PPFIA4: variants seen among roughly 807,000 people sequenced by gnomAD.
PPFIA4 encodes the protein PPFI scaffold protein A4.
Under a neutral mutation model 145.7 loss-of-function variants are expected in PPFIA4, and 98 were observed. The ratio of observed to expected loss-of-function variants is 0.67; its 90% CI spans 0.57 to 0.80. PPFIA4 has a LOEUF of 0.80. PPFIA4 is among the 30% of genes least tolerant of loss of function. PPFIA4 has a pLI of 0.00. For synonymous variants in PPFIA4, 628 were observed against 649.6 expected (o/e 0.97, Z 0.51); for missense variants, 1,457 against 1,632.7 (o/e 0.89, Z 1.85).
intron 1 of PPFIA4, chr1:203,034,631 G>A (rs188334399): frequency 5.5e-5 from 25 of 456,676 alleles, no homozygotes; most frequent in South Asian, 1.7e-4. Flanking sequence ...ATTTGGGTGC[G>A]TGGAGGATGG....
At position 203,060,506 on chromosome 1, in the gene PPFIA4, G is replaced by A; in HGVS notation, c.2784+89G>A. The stretch of plus-strand genomic sequence containing the variant: ...CCTGTTGGGCTTTGGGAAGATGGCA[G>A]CATTGAGCCCTGCCCCTTCCTTCCC... On this transcript the variant is annotated intron_variant, in intron 22 of 29. Coordinates refer to ENST00000295706, the MANE Select transcript of PPFIA4 (RefSeq NM_001304331.2). The surrounding 1 kb of genome is among the most constrained non-coding windows in gnomAD (Gnocchi z 4.8). 1 of 1,362,548 alleles carries A rather than the reference G, an allele frequency of 7.3e-7. No individual in the cohort carries two copies. The highest frequency in any genetic ancestry group is 1.0e-6 in the Non-Finnish European group (1 of 973,922). 84.4% of individuals were successfully genotyped at this position (1,362,548 alleles called of 1,614,324 possible). A position where few individuals can be genotyped will look rare whatever the true frequency, so the allele number is the denominator to read the frequency against.
At chr1:203,026,685 C>A (rs985179177) in intron 1 of PPFIA4, 56 bp downstream of exon 1, 1 of 152,306 alleles carries the variant, frequency 6.6e-6, no homozygotes, top group Non-Finnish European at 1.5e-5. Context: ...ATCTCCAGCT[C>A]CCCTCGACAG....
intron 1 of PPFIA4, among the ~76,000 whole-genome samples, chr1:203,037,406 G>A (rs1041694244): frequency 6.6e-6 from 1 of 152,198 alleles, no homozygotes; most frequent in African/African-American, 2.4e-5. Flanking sequence ...AGGGGAAGGA[G>A]GGAAAATATC....
Position 203,051,815 on chromosome 1 carries a change from ACCACACACGCAC to A in PPFIA4, c.1561_1572del (p.Thr521_Pro524del). ...AGACGTGCGGTTCTCCCTGGGCACA[ACCACACACGCAC>A]CCCCAGGCGTGCATCGCCGCTACTC... On this transcript the variant is annotated inframe_deletion, in exon 14 of 30. Coordinates refer to ENST00000295706, the MANE Select transcript of PPFIA4 (RefSeq NM_001304331.2). 6.2e-7 allele frequency: 1 copy of A among 1,613,832 alleles called. No individual in the cohort carries two copies. The highest frequency in any genetic ancestry group is 8.5e-7 in the Non-Finnish European group (1 of 1,179,852).
At chr1:203,032,648 A>G (rs550675513) in intron 1 of PPFIA4, among the ~76,000 whole-genome samples, 6 of 137,422 alleles carry the variant, frequency 4.4e-5, no homozygotes, top group Non-Finnish European at 7.7e-5. Context: ...ATGTCTCACC[A>G]TGTTGCTTAG....
chr1:203,068,363 C>A lies in PPFIA4; in HGVS notation c.3149-90C>A. 2 of 1,208,012 alleles carry A rather than the reference C, an allele frequency of 1.7e-6. No homozygotes were observed. The highest frequency in any genetic ancestry group is 1.1e-6 in the Non-Finnish European group (1 of 878,562). The allele number at this position is 1,208,012 out of a possible 1,614,324, so 74.8% of individuals were successfully genotyped here. ...TCAGAGAGCAGGGTGGACTGCGGCT[C>A]TGGGTTTAGGGAGCTCTGCTTCTGT... is the stretch of plus-strand genomic sequence containing the variant. On this transcript the variant is annotated intron_variant, in intron 26 of 29. Transcript: ENST00000295706. The surrounding 1 kb of genome is among the most constrained non-coding windows in gnomAD (Gnocchi z 4.7).
intron 14 of PPFIA4, 99 bp downstream of exon 14, chr1:203,051,976 C>A: frequency 1.5e-6 from 2 of 1,296,200 alleles, no homozygotes; most frequent in South Asian, 1.4e-5. Flanking sequence ...GCAAATCCTT[C>A]CCCTTCCCTC....
intron 1 of PPFIA4, among the ~76,000 whole-genome samples, chr1:203,028,075 T>C (rs1207442781): frequency 6.6e-6 from 1 of 152,150 alleles, no homozygotes; most frequent in East Asian, 1.9e-4. Context: ...AAGGAGATAA[T>C]GAATGACAAA....
chr1:203,027,922 C>T (rs1345952625), intron 1 of PPFIA4, among the ~76,000 whole-genome samples: 3 of 151,322 alleles, frequency 2.0e-5, no homozygotes, highest in South Asian at 2.1e-4. Flanking sequence ...AACCTACACA[C>T]CCCCTACCAC....
Position 203,048,792 on chromosome 1 carries a change from G to T in PPFIA4, c.1356+78G>T. 6.5e-7 allele frequency: 1 copy of T among 1,542,030 alleles called. No individual in the cohort carries two copies. Among genetic ancestry groups the T allele is most frequent in the Non-Finnish European group, 8.8e-7 (1 of 1,141,594 alleles). Reference sequence around the variant, plus strand: ...GGGGGGAGGCGGGACTGTGATGGGCGCAGGCGGGGTCTCAATGGGGTGGGT... The same window carrying T: ...GGGGGGAGGCGGGACTGTGATGGGCTCAGGCGGGGTCTCAATGGGGTGGGT... On this transcript the variant is annotated intron_variant, in intron 11 of 29. Coordinates refer to ENST00000295706, the MANE Select transcript of PPFIA4 (RefSeq NM_001304331.2). The surrounding 1 kb of genome is among the most constrained non-coding windows in gnomAD (Gnocchi z 5.8).
In PPFIA4 at chr1:203,068,774, C is replaced by T; in HGVS notation, c.3324+146C>T. The T allele has an allele frequency of 1.2e-6, 1 of 830,980 alleles. No homozygotes were observed. The highest frequency in any genetic ancestry group is 1.7e-6 in the Non-Finnish European group (1 of 577,848). The allele number at this position is 830,980 out of a possible 1,614,324, so 51.5% of individuals were successfully genotyped here. A position where few individuals can be genotyped will look rare whatever the true frequency, so the allele number is the denominator to read the frequency against. On this transcript the variant is annotated intron_variant, in intron 27 of 29. Transcript: ENST00000295706. This position sits in a 1 kb window ranked among gnomAD's most constrained non-coding sequence, Gnocchi z 4.7. ...ATGCCAGAGGGGATCGCAATGTCCT[C>T]AATTCTCCAAGTGATCGCTGTGCAT...
rs367908222 is a variant in PPFIA4 at position 203,043,533 on chromosome 1, C to CGTGT, written c.336+48_336+51dup. On this transcript the variant is annotated intron_variant, in intron 3 of 29. Transcript: ENST00000295706. The surrounding 1 kb of genome is among the most constrained non-coding windows in gnomAD (Gnocchi z 4.4). ...GATGACCTTGTGTCGCGCGCGCGCA[C>CGTGT]GTGTGTGTGTGTGTGTATGGGGGTG... is the stretch of plus-strand genomic sequence containing the variant. 3.5e-4 allele frequency: 522 copies of CGTGT among 1,497,242 alleles called. No homozygotes were observed. The African/African-American group carries it at 6.2e-3, about 18-fold the overall frequency. 92.7% of individuals were successfully genotyped at this position (1,497,242 alleles called of 1,614,324 possible).
chr1:203,054,210 G>A lies in PPFIA4; in HGVS notation c.1829+249G>A. The A allele has an allele frequency of 4.5e-6, 3 of 670,174 alleles. No homozygotes were observed. The South Asian group carries it at 4.8e-5, about 11-fold the overall frequency. The allele number at this position is 670,174 out of a possible 1,614,324, so 41.5% of individuals were successfully genotyped here. ...TGTGGCTGGGCTCAGGAGGATGCAT[G>A]CTGTGTTCCTGCAGCCCTGCAGCTG... is the stretch of plus-strand genomic sequence containing the variant. On this transcript the variant is annotated intron_variant, in intron 15 of 29. Coordinates refer to ENST00000295706, the MANE Select transcript of PPFIA4 (RefSeq NM_001304331.2).
rs1464481050 is a variant in PPFIA4 at position 203,048,936 on chromosome 1, T to C, written c.1375T>C (p.Leu459=). 1 of 1,547,664 alleles carries C rather than the reference T, an allele frequency of 6.5e-7. No homozygotes were observed. The highest frequency in any genetic ancestry group is 2.0e-5 in the Admixed American group (1 of 50,920). The change falls in exon 12 of 30, where the codon TTG becomes CTG. Residue 459 remains leucine, a synonymous_variant. Coordinates refer to ENST00000295706, the MANE Select transcript of PPFIA4 (RefSeq NM_001304331.2). This position sits in a 1 kb window ranked among gnomAD's most constrained non-coding sequence, Gnocchi z 5.8. ...CCCCCAGAACACGTTGATCCAGGAGTTGGAGAGCTCCCAGCGGCAGATTGA... is the reference window on the plus strand; with the variant it reads ...CCCCCAGAACACGTTGATCCAGGAGCTGGAGAGCTCCCAGCGGCAGATTGA... ...LEEKNTLIQE[L]ESSQRQIEEQ...
In PPFIA4 at chr1:203,055,475, G is replaced by A. The variant is rs755049240; in HGVS notation, c.1873G>A (p.Glu625Lys). The A allele has an allele frequency of 2.9e-5, 47 of 1,613,990 alleles. 3 individuals are homozygous for A. The South Asian group carries it at 5.1e-4, about 17-fold the overall frequency. ...GGAGTCCACGGAGCTCCGCGCGGAG[G>A]AGATTGAGACGCGTGTAACCAGTGG... is the stretch of plus-strand genomic sequence containing the variant. ...EKESTELRAE[E>K]IETRVTSGSM... is the part of the protein sequence containing the mutation. Residue 625 changes from glutamate to lysine, a missense_variant, in exon 16 of 30, where the codon GAG becomes AAG. Coordinates refer to ENST00000295706, the MANE Select transcript of PPFIA4 (RefSeq NM_001304331.2). The surrounding 1 kb of genome is among the most constrained non-coding windows in gnomAD (Gnocchi z 4.8).
In PPFIA4 at chr1:203,059,788, T is replaced by C. The variant is rs200826749; in HGVS notation, c.2520T>C (p.Asp840=). The C allele has an allele frequency of 5.0e-6, 8 of 1,613,442 alleles. No individual in the cohort carries two copies. The East Asian group carries it at 1.8e-4, about 36-fold the overall frequency. The change falls in exon 21 of 30, where the codon GAT becomes GAC. Residue 840 remains aspartate (D), a synonymous_variant. Coordinates refer to ENST00000295706, the MANE Select transcript of PPFIA4 (RefSeq NM_001304331.2). ...CTATAAGACACCAGCTGCTTGAAGA[T>C]GCCCGCAGGAAAGGAATGCCCTTTG... ...RLKKKHQLLE[D]ARRKGMPFAQ... is the part of the protein sequence containing the mutation.
chr1:203,042,875 G>T (rs1271984477), intron 2 of PPFIA4, among the ~76,000 whole-genome samples: 2 of 152,162 alleles, frequency 1.3e-5, no homozygotes, highest in African/African-American at 2.4e-5. Context: ...CTGACCTCAG[G>T]TGATCTGCCC....
chr1:203,061,145 A>G, intron 23 of PPFIA4, 113 bp downstream of exon 23: 2 of 1,001,032 alleles, frequency 2.0e-6, no homozygotes, highest in Non-Finnish European at 3.1e-6. Context: ...ATCTCACGTG[A>G]GGTTGGTATC....
At chr1:203,037,764 G>A (rs188853257) in intron 1 of PPFIA4, among the ~76,000 whole-genome samples, 1 of 152,318 alleles carries the variant, frequency 6.6e-6, no homozygotes, top group African/African-American at 2.4e-5. Flanking sequence ...CAAGAGAGCA[G>A]ATTCTCAGCC....
Sources: gnomAD v4.1 joint callset for allele counts (sites outside exome capture counted in the v4.1 genomes callset) on GRCh38, gnomAD v4.1.1 for gene constraint, Gnocchi (gnomAD v3.1) non-coding constraint, MANE v1.5 for transcripts, NCBI Gene and HGNC (gene_info 2026-07-23, HGNC 2026-07-21) for gene names.